RCOR1: variants seen among roughly 807,000 people sequenced by gnomAD.
RCOR1 encodes the protein REST corepressor.
RCOR1 carries 12 observed loss-of-function variants against 64.0 expected under a neutral mutation model. The observed-to-expected ratio is 0.19, with a 90% CI of 0.12 to 0.30. The LOEUF (loss-of-function observed/expected upper bound fraction) is 0.30. RCOR1 is among the 10% of genes least tolerant of loss of function. The pLI, the probability that RCOR1 is intolerant of heterozygous loss-of-function variation, is 1.00. For synonymous variants in RCOR1, 279 were observed against 227.2 expected (o/e 1.23, Z -2.05); for missense variants, 502 against 621.2 (o/e 0.81, Z 2.04).
chr14:102,674,996 A>C (rs907420534), intron 2 of RCOR1, among the ~76,000 whole-genome samples: 1 of 142,868 alleles, frequency 7.0e-6, no homozygotes, highest in African/African-American at 2.7e-5. Flanking sequence ...CGGAGCTTGC[A>C]GTGAGCCAAG....
Position 102,707,494 on chromosome 14 carries a change from T to C in RCOR1, c.642T>C (p.Phe214=). ...CCTTTAGTTTTCATGGGAAAACTTT[T>C]CATAGAATCCAACAAATGGTAAGTA... is the stretch of plus-strand genomic sequence containing the variant. ...EQAFSFHGKT[F]HRIQQMLPDK... The change falls in exon 5 of 12, where the codon TTT becomes TTC. Residue 214 remains phenylalanine (F), a synonymous_variant. Coordinates refer to ENST00000262241, the MANE Select transcript of RCOR1 (RefSeq NM_015156.4). 6.2e-7 allele frequency: 1 copy of C among 1,605,624 alleles called. No homozygotes were observed.
chr14:102,631,974 A>AT (rs1252680152), intron 2 of RCOR1, among the ~76,000 whole-genome samples: 1 of 150,844 alleles, frequency 6.6e-6, no homozygotes, highest in Non-Finnish European at 1.5e-5. Flanking sequence ...CGCCCAGCTA[A>AT]TTTTTTTGTA....
intron 3 of RCOR1, among the ~76,000 whole-genome samples, chr14:102,682,313 A>G (rs1469577971): frequency 6.6e-6 from 1 of 152,116 alleles, no homozygotes; most frequent in African/African-American, 2.4e-5. Flanking sequence ...TATTTTTAGT[A>G]GAGATGGGGT....
At chr14:102,633,097 A>C (rs1894163290) in intron 2 of RCOR1, among the ~76,000 whole-genome samples, 1 of 151,914 alleles carries the variant, frequency 6.6e-6, no homozygotes, top group African/African-American at 2.4e-5. Context: ...GGCATAAGCC[A>C]CTGTGCCTGG....
Position 102,720,882 on chromosome 14 carries a change from C to T in RCOR1, c.1054-125C>T, listed in dbSNP as rs924660422. 1.9e-5 allele frequency: 11 copies of T among 565,948 alleles called. No individual in the cohort carries two copies. In the African/African-American group the frequency reaches 2.0e-4, roughly 10 times the overall value. 35.1% of individuals were successfully genotyped at this position (565,948 alleles called of 1,614,324 possible). On this transcript the variant is annotated intron_variant, in intron 8 of 11. Coordinates refer to ENST00000262241, the MANE Select transcript of RCOR1 (RefSeq NM_015156.4). Reference sequence around the variant, plus strand: ...AGGATACCATAGGGATCTCAGAATTCAGCTACAACAGATGTTAGTAACGTC... The same window carrying T: ...AGGATACCATAGGGATCTCAGAATTTAGCTACAACAGATGTTAGTAACGTC...
intron 2 of RCOR1, among the ~76,000 whole-genome samples, chr14:102,671,686 C>G (rs189120290): frequency 6.6e-6 from 1 of 152,206 alleles, no homozygotes; most frequent in Non-Finnish European, 1.5e-5. Flanking sequence ...AACAGCTTTA[C>G]TACAATAAAA....
At chr14:102,618,458 A>C (rs1279991892) in intron 2 of RCOR1, among the ~76,000 whole-genome samples, 2 of 151,950 alleles carry the variant, frequency 1.3e-5, no homozygotes, top group Non-Finnish European at 2.9e-5. Context: ...GGGGGAAAAA[A>C]AAAGCGCTGG....
At chr14:102,676,470 A>AC (rs1275406045) in intron 2 of RCOR1, among the ~76,000 whole-genome samples, 3 of 75,936 alleles carry the variant, frequency 4.0e-5, no homozygotes, top group African/African-American at 1.9e-4. Flanking sequence ...CGGGGGGCTG[A>AC]CCCCCCCACC....
At chr14:102,721,148 A>G (rs1418476748) in intron 9 of RCOR1, 64 bp downstream of exon 9, 1 of 1,105,474 alleles carries the variant, frequency 9.0e-7, no homozygotes, top group Non-Finnish European at 1.3e-6. Flanking sequence ...AGAATTTAAT[A>G]TCGGTGTGAT....
At chr14:102,655,614 T>A in intron 2 of RCOR1, 3 of 548,958 alleles carry the variant, frequency 5.5e-6, no homozygotes, top group Non-Finnish European at 6.9e-6. Context: ...TCCTTCTAGC[T>A]TGTCTGTCCC....
intron 2 of RCOR1, chr14:102,662,414 A>G (rs7143783): frequency 0.2 from 110,521 of 559,440 alleles, 12,532 homozygotes; most frequent in East Asian, 0.35. Context: ...AACATCTACA[A>G]TGAACACAAG....
chr14:102,623,880 C>T (rs573704235), intron 2 of RCOR1, among the ~76,000 whole-genome samples: 1 of 150,468 alleles, frequency 6.6e-6, no homozygotes, highest in Admixed American at 6.7e-5. Flanking sequence ...CACGGTGAAA[C>T]CCCATCTCTA....
At chr14:102,638,732 A>G (rs998426164) in intron 2 of RCOR1, among the ~76,000 whole-genome samples, 3 of 152,034 alleles carry the variant, frequency 2.0e-5, no homozygotes, top group African/African-American at 4.8e-5. Context: ...CAGTGGCACA[A>G]TCTTGGCTTA....
chr14:102,656,943 T>G, intron 2 of RCOR1: 1 of 247,990 alleles, frequency 4.0e-6, no homozygotes, highest in Non-Finnish European at 6.4e-6. Flanking sequence ...GCATGGCTCA[T>G]TTTTGTATTT....
intron 2 of RCOR1, among the ~76,000 whole-genome samples, chr14:102,674,468 CT>C (rs548381530): frequency 6.6e-6 from 1 of 151,994 alleles, no homozygotes. Context: ...TGTTCTTATT[CT>C]TTTTTTTAAA....
At chr14:102,662,077 T>A (rs1032123496) in intron 2 of RCOR1, among the ~76,000 whole-genome samples, 3 of 152,192 alleles carry the variant, frequency 2.0e-5, no homozygotes, top group Non-Finnish European at 4.4e-5. Flanking sequence ...TGTTATAGAC[T>A]GGGTGATTTT....
intron 3 of RCOR1, among the ~76,000 whole-genome samples, chr14:102,683,236 C>G (rs758473623): frequency 8.5e-5 from 13 of 152,080 alleles, no homozygotes; most frequent in Non-Finnish European, 1.0e-4. Flanking sequence ...AAAAACTAAC[C>G]TGTCCACTGA....
At chr14:102,707,816 G>C (rs1302958213) in intron 5 of RCOR1, among the ~76,000 whole-genome samples, 1 of 150,512 alleles carries the variant, frequency 6.6e-6, no homozygotes, top group African/African-American at 2.4e-5. Context: ...TTTAGACGGA[G>C]TCTCGCTCTA....
At chr14:102,689,027 A>G (rs1043552431) in intron 3 of RCOR1, among the ~76,000 whole-genome samples, 1 of 152,152 alleles carries the variant, frequency 6.6e-6, no homozygotes, top group Non-Finnish European at 1.5e-5. Flanking sequence ...TGCGCAGTGT[A>G]CTTTTGACAG....
Sources: allele counts gnomAD v4.1 joint callset (sites outside exome capture counted in the v4.1 genomes callset), GRCh38; gene constraint gnomAD v4.1.1; transcripts MANE v1.5; gene names NCBI Gene and HGNC (gene_info 2026-07-23, HGNC 2026-07-21).